MRPL16: variants seen among roughly 807,000 people sequenced by gnomAD.
MRPL16 encodes mitochondrial ribosomal protein L16.
A neutral mutation model predicts 22.7 loss-of-function variants in MRPL16; 17 were observed. The observed-to-expected ratio is 0.75, with a 90% CI of 0.51 to 1.12. The LOEUF (loss-of-function observed/expected upper bound fraction) is 1.12, where lower values mean the gene tolerates loss of function less well. Ranked by LOEUF, MRPL16 falls within the 50% of genes most tolerant of loss-of-function variation. The pLI, the probability that MRPL16 is intolerant of heterozygous loss-of-function variation, is 0.00. For synonymous variants in MRPL16, 103 were observed against 112.8 expected (o/e 0.91, Z 0.55); for missense variants, 316 against 328.7 (o/e 0.96, Z 0.30).
Position 59,806,244 on chromosome 11 carries a change from T to C in MRPL16, c.*103A>G. ...ATCTACTCAAATGCTGCTCCTTAGT[T>C]ATGGCTTAAGAGCTACCCAAAGACT... On this transcript the variant is annotated 3_prime_UTR_variant, in exon 4 of 4. Transcript: ENST00000300151. 2.0e-5 allele frequency: 26 copies of C among 1,297,894 alleles called. No homozygotes were observed. The highest frequency in any genetic ancestry group is 2.8e-5 in the Non-Finnish European group (26 of 941,208). The allele number at this position is 1,297,894 out of a possible 1,614,324, so 80.4% of individuals were successfully genotyped here.
At chr11:59,810,325 G>A (rs551212101) in intron 1 of MRPL16, 3 of 1,310,962 alleles carry the variant, frequency 2.3e-6, no homozygotes, top group East Asian at 3.2e-5. Context: ...ACTTCCGCCG[G>A]AGGAGTCTTG....
At chr11:59,809,541 G>A in intron 2 of MRPL16, 1 of 304,204 alleles carries the variant, frequency 3.3e-6, no homozygotes. Context: ...CACCATGCCC[G>A]CTCAAAAATC....
chr11:59,810,201 G>A, intron 1 of MRPL16: 1 of 866,612 alleles, frequency 1.2e-6, no homozygotes, highest in Non-Finnish European at 1.5e-6. Flanking sequence ...TAGAGACAGG[G>A]TTTCACCATG....
chr11:59,810,209 A>G (rs1310924207), intron 1 of MRPL16: 4 of 914,376 alleles, frequency 4.4e-6, no homozygotes, highest in Non-Finnish European at 5.7e-6. Flanking sequence ...GGGTTTCACC[A>G]TGTTGGCCAG....
chr11:59,806,394 G>A lies in MRPL16; in HGVS notation c.709C>T (p.His237Tyr). 1 of 1,614,184 alleles carries A rather than the reference G, an allele frequency of 6.2e-7. No homozygotes were observed. The highest frequency in any genetic ancestry group is 2.2e-5 in the East Asian group (1 of 44,886). Reference protein sequence around the residue: ...RKVLSPYDLTHKGKYWGKFYM... With the variant: ...RKVLSPYDLTYKGKYWGKFYM... ...AACTTGCCCCAGTATTTCCCCTTGT[G>A]GGTCAAGTCATATGGGCTCAGTACT... Residue 237 changes from histidine (H) to tyrosine (Y), a missense_variant, in exon 4 of 4, where the codon CAC becomes TAC. Coordinates refer to ENST00000300151, the MANE Select transcript of MRPL16 (RefSeq NM_017840.4).
Position 59,806,805 on chromosome 11 carries a change from C to A in MRPL16, c.298G>T (p.Gly100Cys). The A allele has an allele frequency of 6.2e-7, 1 of 1,609,426 alleles. No individual in the cohort carries two copies. The highest frequency in any genetic ancestry group is 8.5e-7 in the Non-Finnish European group (1 of 1,175,958). The change falls in exon 4 of 4, where the codon GGC (glycine) becomes TGC (cysteine). Residue 100 changes from glycine to cysteine, a missense_variant. Physicochemically the swap from Gly to Cys is radical, Grantham distance 159 (BLOSUM62 -3). Coordinates refer to ENST00000300151, the MANE Select transcript of MRPL16 (RefSeq NM_017840.4). The stretch of plus-strand genomic sequence containing the variant: ...GTCAGGCGCATCATTTCAAAGTGGC[C>A]CCAATGCAGGTAGCCACCACCCAAT... ...LALGGGYLHW[G>C]HFEMMRLTIN...
At chr11:59,808,624 A>G (rs1444319565) in intron 2 of MRPL16, 1 of 152,230 alleles carries the variant, frequency 6.6e-6, no homozygotes, top group Non-Finnish European at 1.5e-5. Flanking sequence ...ATATATACAT[A>G]TATTTCCCTG....
At position 59,806,625 on chromosome 11, in the gene MRPL16, C is replaced by G. The variant is rs1866098568; in HGVS notation, c.478G>C (p.Val160Leu). 6.2e-7 allele frequency: 1 copy of G among 1,614,148 alleles called. No individual in the cohort carries two copies. The highest frequency in any genetic ancestry group is 8.5e-7 in the Non-Finnish European group (1 of 1,180,058). Reference protein sequence around the residue: ...YVTPVKAGRLVVEMGGRCEFE... With the variant: ...YVTPVKAGRLLVEMGGRCEFE... ...TCACAACGCCCACCCATCTCTACAA[C>G]AAGGCGGCCAGCCTTCACAGGTGTC... The change falls in exon 4 of 4, where the codon GTT becomes CTT. Residue 160 changes from valine (V) to leucine (L), a missense_variant. By Grantham distance (32) the Val-to-Leu change is conservative. Coordinates refer to ENST00000300151, the MANE Select transcript of MRPL16 (RefSeq NM_017840.4).
At position 59,806,589 on chromosome 11, in the gene MRPL16, C is replaced by G. The variant is rs758445490; in HGVS notation, c.514G>C (p.Val172Leu). 1 of 1,614,124 alleles carries G rather than the reference C, an allele frequency of 6.2e-7. No homozygotes were observed. Residue 172 changes from valine to leucine, a missense_variant, in exon 4 of 4, where the codon GTG (valine) becomes CTG (leucine). Val to Leu is a conservative substitution (Grantham distance 32). Transcript: ENST00000300151. ...GCAACCTGGTCAAGGAAACCTTGCA[C>G]TTCTTCAAATTCACAACGCCCACCC... is the stretch of plus-strand genomic sequence containing the variant. The part of the protein sequence containing the change: ...EMGGRCEFEE[V>L]QGFLDQVAHK...
chr11:59,806,863 T>C (rs759242440), intron 3 of MRPL16, 31 bp from the exon 4 acceptor site: 10 of 1,589,818 alleles, frequency 6.3e-6, no homozygotes, highest in Non-Finnish European at 8.6e-6. Context: ...TAGAAACACA[T>C]GCGGACTTCG....
Position 59,807,901 on chromosome 11 carries a change from A to G in MRPL16, c.122-52T>C, listed in dbSNP as rs191805768. On this transcript the variant is annotated intron_variant, in intron 2 of 3. Coordinates refer to ENST00000300151, the MANE Select transcript of MRPL16 (RefSeq NM_017840.4). ...AAAGTAAAACTATACATCTCAAAAG[A>G]TCTATTTTCCTAGAAAGATTTATAA... 1,143 of 1,475,384 alleles carry G rather than the reference A, an allele frequency of 7.7e-4. 3 individuals carry two copies. Among genetic ancestry groups the G allele is most frequent in the Non-Finnish European group, 9.5e-4 (1,045 of 1,102,378 alleles). 91.4% of individuals were successfully genotyped at this position (1,475,384 alleles called of 1,614,324 possible). A position where few individuals can be genotyped will look rare whatever the true frequency, so the allele number is the denominator to read the frequency against.
intron 3 of MRPL16, 73 bp downstream of exon 3, chr11:59,807,628 T>A: frequency 1.4e-6 from 2 of 1,469,772 alleles, no homozygotes; most frequent in Non-Finnish European, 1.8e-6. Context: ...GAGACTAAAT[T>A]ATCTCAAGGA....
Position 59,806,205 on chromosome 11 carries a change from ATTGT to A in MRPL16, c.*138_*141del, listed in dbSNP as rs1285506507. ...TTTTCTTTTTAAATCAACAAATAAC[ATTGT>A]TTTTCAGAAATCTACTCAAATGCTG... On this transcript the variant is annotated 3_prime_UTR_variant, in exon 4 of 4. Transcript: ENST00000300151. 3.4e-6 allele frequency: 3 copies of A among 891,410 alleles called. No individual in the cohort carries two copies. In the African/African-American group the frequency reaches 5.0e-5, roughly 15 times the overall value. 55.2% of individuals were successfully genotyped at this position (891,410 alleles called of 1,614,324 possible).
intron 2 of MRPL16, chr11:59,809,539 C>A: frequency 3.3e-6 from 1 of 307,146 alleles, no homozygotes; most frequent in Non-Finnish European, 6.0e-6. Flanking sequence ...GCCACCATGC[C>A]CGCTCAAAAA....
rs769000574 is a variant in MRPL16 at position 59,806,703 on chromosome 11, T to G, written c.400A>C (p.Lys134Gln). ...CCCCCCATGCGATGCCCAACACTTT[T>G]GCGAGTGATGGGCTTGAAAGGGGCT... ...VPAPFKPITRKSVGHRMGGGK... is the reference protein window; with the variant it reads ...VPAPFKPITRQSVGHRMGGGK... The change falls in exon 4 of 4, where the codon AAA (lysine) becomes CAA (glutamine). Residue 134 changes from lysine (K) to glutamine (Q), a missense_variant. Transcript: ENST00000300151. The G allele has an allele frequency of 1.2e-6, 2 of 1,614,184 alleles. No individual in the cohort carries two copies. Among genetic ancestry groups the G allele is most frequent in the East Asian group, 4.5e-5 (2 of 44,874 alleles).
intron 1 of MRPL16, 86 bp downstream of exon 1, chr11:59,810,518 C>T: frequency 6.3e-7 from 1 of 1,587,644 alleles, no homozygotes; most frequent in Middle Eastern, 1.7e-4. Flanking sequence ...ATATGCAGAG[C>T]CGCCTTTTGG....
intron 2 of MRPL16, 166 bp downstream of exon 2, chr11:59,809,689 T>C: frequency 1.4e-6 from 1 of 697,274 alleles, no homozygotes; most frequent in Non-Finnish European, 2.4e-6. Flanking sequence ...TTGATTTATT[T>C]CTAGTGCTCA....
At chr11:59,809,947 C>T (rs758822117) in intron 1 of MRPL16, 27 bp from the exon 2 acceptor site, 1 of 1,596,516 alleles carries the variant, frequency 6.3e-7, no homozygotes, top group Non-Finnish European at 8.6e-7. Context: ...AGTTAAACGA[C>T]GAAGGTAACA....
chr11:59,808,110 A>G (rs1590847469), intron 2 of MRPL16, among the ~76,000 whole-genome samples: 2 of 152,240 alleles, frequency 1.3e-5, no homozygotes, highest in South Asian at 2.1e-4. Flanking sequence ...ACCACTGAAC[A>G]GTAACTGTAA....
Sources: gnomAD v4.1 joint callset for allele counts (sites outside exome capture counted in the v4.1 genomes callset) on GRCh38, gnomAD v4.1.1 for gene constraint, MANE v1.5 for transcripts, NCBI Gene and HGNC (gene_info 2026-07-23, HGNC 2026-07-21) for gene names.